Variants in PPARG observed in about 807,000 individuals in gnomAD.
The protein encoded by PPARG is peroxisome proliferator activated receptor gamma.
In PPARG, 17 loss-of-function variants were observed where a neutral mutation model predicts 39.2. The observed-to-expected ratio is 0.43, with a 90% CI of 0.30 to 0.65. The LOEUF (loss-of-function observed/expected upper bound fraction) is 0.65. PPARG is among the 30% of genes least tolerant of loss of function. The pLI, the probability that PPARG is intolerant of heterozygous loss-of-function variation, is 0.13. For missense variants in PPARG, 406 were observed against 585.9 expected (o/e 0.69, Z 3.17); for synonymous variants, 223 against 215.7 (o/e 1.03, Z -0.30).
rs967443978 is a variant in PPARG, at chr3:12,298,333, G to A, written c.-83+9199G>A. On this transcript the variant is annotated intron_variant, in intron 1 of 7. Transcript: ENST00000651735. ...AAAAAAAAAAAAAAAAAAAAGAAAT[G>A]TAAAATAGCAAGCGAGTAGAGGTTT... Among the ~76,000 whole-genome samples the A allele has an allele frequency of 2.9e-3, 310 of 108,676 alleles. 1 individual carries two copies. The highest frequency in any genetic ancestry group is 0.01 in the African/African-American group (271 of 26,452). The allele number at this position is 108,676 out of a possible 152,430, so 71.3% of individuals were successfully genotyped here. A position where few individuals can be genotyped will look rare whatever the true frequency, so the allele number is the denominator to read the frequency against.
At chr3:12,345,681 C>G (rs991057219) in intron 2 of PPARG, among the ~76,000 whole-genome samples, 25 of 152,144 alleles carry the variant, frequency 1.6e-4, no homozygotes, top group African/African-American at 6.0e-4. Flanking sequence ...TAATCTCCCT[C>G]CTATTAAGTT....
intron 2 of PPARG, chr3:12,351,781 A>T (rs1393586834): frequency 1.8e-5 from 15 of 831,804 alleles, no homozygotes; most frequent in Non-Finnish European, 2.5e-5. Flanking sequence ...TAATACTATC[A>T]TGTGTACACT....
chr3:12,344,462 A>G (rs763560029), intron 2 of PPARG, among the ~76,000 whole-genome samples: 17 of 152,168 alleles, frequency 1.1e-4, no homozygotes, highest in Non-Finnish European at 1.8e-4. Context: ...ATAAACATAA[A>G]ATATACTCTG....
At chr3:12,423,621 A>G (rs868012395) in intron 7 of PPARG, among the ~76,000 whole-genome samples, 12 of 152,218 alleles carry the variant, frequency 7.9e-5, no homozygotes, top group African/African-American at 2.7e-4. Context: ...GCTAGCATCT[A>G]CATTACTAGT....
chr3:12,395,314 T>C (rs2050218894), intron 5 of PPARG, among the ~76,000 whole-genome samples: 1 of 152,336 alleles, frequency 6.6e-6, no homozygotes, highest in Middle Eastern at 3.4e-3. Context: ...TTCACCTGTA[T>C]GTTTTGGTAC....
At chr3:12,298,615 A>C (rs2046853869) in intron 1 of PPARG, among the ~76,000 whole-genome samples, 1 of 152,172 alleles carries the variant, frequency 6.6e-6, no homozygotes, top group African/African-American at 2.4e-5. Context: ...AAAGTTTTAA[A>C]AACTTTTTAG....
At chr3:12,318,424 A>G (rs2047447326) in intron 2 of PPARG, among the ~76,000 whole-genome samples, 1 of 152,242 alleles carries the variant, frequency 6.6e-6, no homozygotes, top group Non-Finnish European at 1.5e-5. Context: ...TAGGACTTTC[A>G]TAGAGATAAG....
chr3:12,326,998 T>C (rs759088535), intron 2 of PPARG, among the ~76,000 whole-genome samples: 2 of 152,226 alleles, frequency 1.3e-5, no homozygotes, highest in Admixed American at 6.5e-5. Context: ...CTTTAAAGGT[T>C]TGTTCAATTT....
intron 7 of PPARG, among the ~76,000 whole-genome samples, chr3:12,426,108 A>G (rs1316782575): frequency 2.0e-5 from 3 of 152,194 alleles, no homozygotes; most frequent in African/African-American, 7.2e-5. Context: ...TTTAATGGGC[A>G]GATCAAAGAA....
intron 5 of PPARG, among the ~76,000 whole-genome samples, chr3:12,402,021 T>C (rs2050493008): frequency 6.6e-6 from 1 of 152,244 alleles, no homozygotes. Flanking sequence ...GTGGCTATCT[T>C]TGGCTGTTTG....
intron 4 of PPARG, among the ~76,000 whole-genome samples, chr3:12,389,241 G>A (rs1428536076): frequency 3.9e-5 from 6 of 152,110 alleles, no homozygotes; most frequent in Non-Finnish European, 8.8e-5. Context: ...CAATATTAGT[G>A]AGTAAGTAGT....
At chr3:12,307,969 AAAG>A (rs1246600397) in intron 1 of PPARG, among the ~76,000 whole-genome samples, 2 of 152,122 alleles carry the variant, frequency 1.3e-5, no homozygotes, top group Non-Finnish European at 2.9e-5. Flanking sequence ...GCAAGAATAT[AAAG>A]AAGAGATGAA....
intron 2 of PPARG, among the ~76,000 whole-genome samples, chr3:12,374,023 A>C (rs1303528924): frequency 2.0e-5 from 3 of 152,160 alleles, no homozygotes; most frequent in Non-Finnish European, 4.4e-5. Context: ...CAGCCACCAG[A>C]TATGCCAAGA....
chr3:12,356,530 C>G (rs1255400406), intron 2 of PPARG, among the ~76,000 whole-genome samples: 2 of 152,224 alleles, frequency 1.3e-5, no homozygotes, highest in Non-Finnish European at 2.9e-5. Flanking sequence ...TATTCCTCAT[C>G]ACCTCATGCC....
At chr3:12,327,188 T>G (rs1181763973) in intron 2 of PPARG, among the ~76,000 whole-genome samples, 1 of 152,212 alleles carries the variant, frequency 6.6e-6, no homozygotes, top group Non-Finnish European at 1.5e-5. Context: ...CCGGTTTGCT[T>G]CTTCCCCTTT....
chr3:12,410,064 T>A (rs148889231), intron 6 of PPARG, among the ~76,000 whole-genome samples: 1 of 152,334 alleles, frequency 6.6e-6, no homozygotes, highest in African/African-American at 2.4e-5. Flanking sequence ...ATTTTAGGCT[T>A]AGGGCTGGGA....
chr3:12,432,149 C>G (rs1021150045), intron 7 of PPARG, among the ~76,000 whole-genome samples: 8 of 152,114 alleles, frequency 5.3e-5, no homozygotes, highest in African/African-American at 1.9e-4. Flanking sequence ...TTCTAAGAAA[C>G]CGTCAGGGAA....
chr3:12,390,637 CTTTTT>C (rs35190152), intron 4 of PPARG, among the ~76,000 whole-genome samples: 1 of 92,354 alleles, frequency 1.1e-5, no homozygotes, highest in Non-Finnish European at 1.9e-5. Context: ...TATTTTCTTC[CTTTTT>C]TTTTTTTTTT....
At chr3:12,398,248 TA>T (rs747537288) in intron 5 of PPARG, among the ~76,000 whole-genome samples, 3 of 150,730 alleles carry the variant, frequency 2.0e-5, no homozygotes, top group Non-Finnish European at 4.4e-5. Flanking sequence ...AATGCAATAT[TA>T]GGAAATAAGA....
Sources: allele counts gnomAD v4.1 joint callset (sites outside exome capture counted in the v4.1 genomes callset), GRCh38; gene constraint gnomAD v4.1.1; transcripts MANE v1.5; gene names NCBI Gene and HGNC (gene_info 2026-07-23, HGNC 2026-07-21).